The following POLGARF variants were observed in gnomAD, a reference collection of about 807,000 sequenced individuals.
POLGARF encodes the protein POLG alternative reading frame.
the POLGARF span, among the ~76,000 whole-genome samples, chr15:89,332,609 G>C: frequency 2.7e-5 from 4 of 150,156 alleles, no homozygotes; most frequent in African/African-American, 9.7e-5. Flanking sequence ...CGGGGGCAGG[G>C]GGGCGGGGGG....
the POLGARF span, chr15:89,333,627 T>C: frequency 5.4e-3 from 8,505 of 1,580,742 alleles, 85 homozygotes; most frequent in African/African-American, 0.042. Context: ...CTGCTGCTGC[T>C]GCCGCCGCCG....
chr15:89,332,085 C>A, the POLGARF span: 1 of 152,218 alleles, frequency 6.6e-6, no homozygotes, highest in African/African-American at 2.4e-5. Flanking sequence ...TTTATCTTTT[C>A]AAATGATGGC....
At chr15:89,332,725 C>T in the POLGARF span, among the ~76,000 whole-genome samples, 121 of 152,264 alleles carry the variant, frequency 7.9e-4, no homozygotes, top group Non-Finnish European at 1.3e-3. Flanking sequence ...TAATTAATAG[C>T]TCCCCAAATA....
At chr15:89,330,592 C>T in the POLGARF span, among the ~76,000 whole-genome samples, 2 of 152,190 alleles carry the variant, frequency 1.3e-5, no homozygotes, top group African/African-American at 4.8e-5. Flanking sequence ...CCAGCGTTCA[C>T]TGAGTCTGCA....
the POLGARF span, chr15:89,333,078 A>T: frequency 6.6e-7 from 1 of 1,508,732 alleles, no homozygotes; most frequent in Non-Finnish European, 8.9e-7. Context: ...TTATGTCCCC[A>T]ACCCTGCCCC....
chr15:89,333,453 C>T, the POLGARF span: 2 of 1,610,572 alleles, frequency 1.2e-6, no homozygotes, highest in South Asian at 1.1e-5. Flanking sequence ...GACGCTGCGG[C>T]GCACCGCGGC....
At chr15:89,333,596 T>TTGTTGC in the POLGARF span, 3 of 1,598,022 alleles carry the variant, frequency 1.9e-6, no homozygotes, top group Non-Finnish European at 2.6e-6. Context: ...GAGGCTGCTG[T>TTGTTGC]TGCTGCTGCT....
the POLGARF span, chr15:89,333,546 C>A: frequency 6.2e-7 from 1 of 1,612,532 alleles, no homozygotes; most frequent in Non-Finnish European, 8.5e-7. Context: ...TGGGTTGTGC[C>A]GCAGCTGCCC....
chr15:89,333,657 G>C, the POLGARF span: 4 of 1,569,848 alleles, frequency 2.5e-6, no homozygotes, highest in African/African-American at 2.7e-5. Flanking sequence ...GCTGGGGTCG[G>C]ACGCGGGGAC....
the POLGARF span, chr15:89,333,043 T>C: frequency 3.3e-6 from 5 of 1,498,226 alleles, no homozygotes; most frequent in South Asian, 2.8e-5. Flanking sequence ...TGAAACAAAC[T>C]ATTAAGCTGG....
At chr15:89,331,576 C>T in the POLGARF span, among the ~76,000 whole-genome samples, 7 of 152,242 alleles carry the variant, frequency 4.6e-5, no homozygotes, top group Admixed American at 6.5e-5. Flanking sequence ...GCCAGAGAGA[C>T]GTCCCTCTAG....
chr15:89,332,712 A>C, the POLGARF span, among the ~76,000 whole-genome samples: 1 of 152,124 alleles, frequency 6.6e-6, no homozygotes, highest in Non-Finnish European at 1.5e-5. Context: ...CTACCGCCCA[A>C]AATAATTAAT....
the POLGARF span, chr15:89,333,495 A>G: frequency 4.3e-6 from 7 of 1,612,706 alleles, no homozygotes; most frequent in Non-Finnish European, 5.9e-6. Flanking sequence ...TTGCCCGAAG[A>G]TTTGCTCGTG....
chr15:89,332,904 T>A, the POLGARF span, among the ~76,000 whole-genome samples: 1 of 152,190 alleles, frequency 6.6e-6, no homozygotes, highest in Non-Finnish European at 1.5e-5. Context: ...ACTTGGGTAT[T>A]TGCTTACTGC....
the POLGARF span, among the ~76,000 whole-genome samples, chr15:89,330,756 T>C: frequency 2.2e-5 from 1 of 45,256 alleles, no homozygotes; most frequent in African/African-American, 1.8e-4. Context: ...TGACAAATGC[T>C]GCTGCACACA....
chr15:89,332,976 C>T, the POLGARF span: 2 of 1,346,874 alleles, frequency 1.5e-6, no homozygotes, highest in Admixed American at 2.6e-5. Context: ...TAATTCAACA[C>T]ATCAGCGCTC....
the POLGARF span, among the ~76,000 whole-genome samples, chr15:89,332,795 T>G: frequency 6.6e-6 from 1 of 151,762 alleles, no homozygotes; most frequent in Admixed American, 6.6e-5. Flanking sequence ...GGAGAGGGGG[T>G]AAAGGCACCA....
At chr15:89,333,274 G>A in the POLGARF span, 3 of 1,560,488 alleles carry the variant, frequency 1.9e-6, no homozygotes, top group Non-Finnish European at 2.6e-6. Flanking sequence ...GGGGGCAGCT[G>A]GGCCTGCAAC....
At chr15:89,332,299 A>C in the POLGARF span, 2 of 152,256 alleles carry the variant, frequency 1.3e-5, no homozygotes, top group African/African-American at 2.4e-5. Flanking sequence ...TGTAGCTTCC[A>C]ATAGGAATAA....
Sources: allele counts gnomAD v4.1 joint callset (sites outside exome capture counted in the v4.1 genomes callset), GRCh38; gene constraint gnomAD v4.1.1; transcripts MANE v1.5; gene names NCBI Gene and HGNC (gene_info 2026-07-23, HGNC 2026-07-21).